Variants in ARFGEF3 observed in about 807,000 individuals in gnomAD.
ARFGEF3 encodes the protein brefeldin A-inhibited guanine nucleotide-exchange protein 3.
In ARFGEF3, 96 loss-of-function variants were observed where a neutral mutation model predicts 221.7. The observed-to-expected ratio is 0.43, with a 90% CI of 0.37 to 0.51. The LOEUF (loss-of-function observed/expected upper bound fraction) is 0.51. Among genes scored for constraint, ARFGEF3 ranks in the 20% least tolerant of loss-of-function variants. The pLI, the probability that ARFGEF3 is intolerant of heterozygous loss-of-function variation, is 0.00. For synonymous variants in ARFGEF3, 1,145 were observed against 1,126.8 expected (o/e 1.02, Z -0.32); for missense variants, 2,410 against 2,789.9 (o/e 0.86, Z 3.07).
At chr6:138,202,751 C>T (rs527944114) in intron 2 of ARFGEF3, among the ~76,000 whole-genome samples, 3 of 151,410 alleles carry the variant, frequency 2.0e-5, no homozygotes, top group East Asian at 1.9e-4. Context: ...GTTGCAGATA[C>T]GGTCAGAAGC....
chr6:138,287,291 T>C, intron 17 of ARFGEF3, 107 bp downstream of exon 17: 1 of 789,548 alleles, frequency 1.3e-6, no homozygotes, highest in Non-Finnish European at 2.1e-6. Context: ...CTGTGTGTGA[T>C]GCCCGGTATG....
At chr6:138,331,028 A>G (rs917457836) in intron 32 of ARFGEF3, among the ~76,000 whole-genome samples, 2 of 152,050 alleles carry the variant, frequency 1.3e-5, no homozygotes, top group Non-Finnish European at 2.9e-5. Flanking sequence ...CTTTTTTCCT[A>G]TTTCTAATTC....
intron 8 of ARFGEF3, among the ~76,000 whole-genome samples, chr6:138,246,285 A>G (rs1424617456): frequency 6.6e-6 from 1 of 151,894 alleles, no homozygotes; most frequent in Non-Finnish European, 1.5e-5. Flanking sequence ...GCAAAATTCT[A>G]CAACACATTA....
At chr6:138,275,825 T>C (rs1309220932) in intron 12 of ARFGEF3, among the ~76,000 whole-genome samples, 1 of 152,082 alleles carries the variant, frequency 6.6e-6, no homozygotes, top group Non-Finnish European at 1.5e-5. Context: ...CTCATTTTCA[T>C]AGGGACAACA....
At chr6:138,205,735 C>T (rs2114491347) in intron 2 of ARFGEF3, among the ~76,000 whole-genome samples, 1 of 152,270 alleles carries the variant, frequency 6.6e-6, no homozygotes, top group East Asian at 1.9e-4. Flanking sequence ...GTAGTGTTAA[C>T]TGTCATATAA....
At position 138,342,116 on chromosome 6, in the gene ARFGEF3, C is replaced by T. The variant is rs777887294; in HGVS notation, c.*5630C>T. Reference sequence around the variant, plus strand: ...GGTTTAACCAGTGGTTGTCTAGTATCTTCTGTCTTTAGAACAGTGGTTCTC... The same window carrying T: ...GGTTTAACCAGTGGTTGTCTAGTATTTTCTGTCTTTAGAACAGTGGTTCTC... On this transcript the variant is annotated 3_prime_UTR_variant, in exon 34 of 34. Transcript: ENST00000251691. 1 of 152,186 alleles carries T rather than the reference C, an allele frequency of 6.6e-6. No individual in the cohort carries two copies. Among genetic ancestry groups the T allele is most frequent in the Non-Finnish European group, 1.5e-5 (1 of 68,036 alleles). The allele number at this position is 152,186 out of a possible 1,614,324, so 9.4% of individuals were successfully genotyped here.
At chr6:138,181,523 A>C (rs919055121) in intron 2 of ARFGEF3, among the ~76,000 whole-genome samples, 5 of 152,148 alleles carry the variant, frequency 3.3e-5, no homozygotes, top group Non-Finnish European at 2.9e-5. Flanking sequence ...GGCTCACTGC[A>C]ACCTCTGTCT....
Position 138,291,037 on chromosome 6 carries a change from T to C in ARFGEF3, c.3048-696T>C, listed in dbSNP as rs188940732. Among the ~76,000 whole-genome samples the C allele has an allele frequency of 6.6e-6, 1 of 152,280 alleles. No individual in the cohort carries two copies. Among genetic ancestry groups the C allele is most frequent in the East Asian group, 1.9e-4 (1 of 5,172 alleles). ...CATCAGAGTGGATTATCCATGATGC[T>C]CTTTACCAGTAAACAGACTTACTCC... is the stretch of plus-strand genomic sequence containing the variant. On this transcript the variant is annotated intron_variant, in intron 18 of 33. Coordinates refer to ENST00000251691, the MANE Select transcript of ARFGEF3 (RefSeq NM_020340.5). This position sits in a 1 kb window ranked among gnomAD's most constrained non-coding sequence, Gnocchi z 4.5.
chr6:138,187,260 C>A (rs556888487), intron 2 of ARFGEF3, among the ~76,000 whole-genome samples: 6 of 152,316 alleles, frequency 3.9e-5, no homozygotes, highest in African/African-American at 1.2e-4. Flanking sequence ...CTTCCTAGAG[C>A]CTTGTGGATA....
At chr6:138,192,146 G>A (rs1777315639) in intron 2 of ARFGEF3, among the ~76,000 whole-genome samples, 1 of 152,112 alleles carries the variant, frequency 6.6e-6, no homozygotes, top group Non-Finnish European at 1.5e-5. Flanking sequence ...TCTGGGTACT[G>A]AAGACTTCAG....
At chr6:138,284,712 T>G (rs1041593713) in intron 14 of ARFGEF3, among the ~76,000 whole-genome samples, 2 of 152,234 alleles carry the variant, frequency 1.3e-5, no homozygotes, top group African/African-American at 4.8e-5. Context: ...ACTAATTATT[T>G]CTGTCATCAG....
intron 27 of ARFGEF3, among the ~76,000 whole-genome samples, 170 bp downstream of exon 27, chr6:138,317,549 T>C (rs1453121848): frequency 6.6e-6 from 1 of 152,232 alleles, no homozygotes; most frequent in Non-Finnish European, 1.5e-5. Flanking sequence ...ATGCTTAAGG[T>C]ATGGCCTGTG....
intron 6 of ARFGEF3, among the ~76,000 whole-genome samples, chr6:138,240,979 T>G (rs1040975371): frequency 6.6e-6 from 1 of 152,134 alleles, no homozygotes; most frequent in Non-Finnish European, 1.5e-5. Flanking sequence ...CCCCAAATTT[T>G]TTATGCCAAA....
At chr6:138,231,774 C>G (rs1021542331) in intron 5 of ARFGEF3, among the ~76,000 whole-genome samples, 7 of 152,108 alleles carry the variant, frequency 4.6e-5, no homozygotes, top group African/African-American at 1.7e-4. Flanking sequence ...ACCTGCTGAT[C>G]AGGAAGTGGG....
At chr6:138,247,024 A>G (rs568593498) in intron 8 of ARFGEF3, among the ~76,000 whole-genome samples, 2 of 152,354 alleles carry the variant, frequency 1.3e-5, no homozygotes, top group South Asian at 4.1e-4. Flanking sequence ...GAAAAAGCCT[A>G]TATAATACAT....
At chr6:138,188,871 C>A (rs1395905421) in intron 2 of ARFGEF3, among the ~76,000 whole-genome samples, 1 of 152,220 alleles carries the variant, frequency 6.6e-6, no homozygotes, top group African/African-American at 2.4e-5. Flanking sequence ...ACCAGCCCAA[C>A]CTTTTTGGCT....
chr6:138,220,149 C>T (rs546873461), intron 4 of ARFGEF3, among the ~76,000 whole-genome samples: 35 of 152,206 alleles, frequency 2.3e-4, no homozygotes, highest in Admixed American at 2.0e-3. Context: ...CTACTGGGTG[C>T]GCCACTATGC....
intron 12 of ARFGEF3, among the ~76,000 whole-genome samples, chr6:138,274,532 G>A (rs982811629): frequency 9.2e-5 from 14 of 152,100 alleles, no homozygotes; most frequent in African/African-American, 3.1e-4. Context: ...AGGCGTGGTG[G>A]CTCACACCTG....
chr6:138,263,189 T>G lies in ARFGEF3; in HGVS notation c.1706T>G (p.Val569Gly). ...QPDVVQRSHT[V>G]PYPDITNFLS... ...GATGTCGTGCAGAGAAGCCACACGGTCCCTTACCCTGACATAACTAACTTC... is the reference window on the plus strand; with the variant it reads ...GATGTCGTGCAGAGAAGCCACACGGGCCCTTACCCTGACATAACTAACTTC... Residue 569 changes from valine to glycine, a missense_variant, in exon 12 of 34, where the codon GTC (valine) becomes GGC (glycine). Val to Gly is a moderately radical substitution (Grantham distance 109). Transcript: ENST00000251691. 5 of 1,613,924 alleles carry G rather than the reference T, an allele frequency of 3.1e-6. No individual in the cohort carries two copies. Among genetic ancestry groups the G allele is most frequent in the Non-Finnish European group, 4.2e-6 (5 of 1,179,878 alleles).
Sources: allele counts gnomAD v4.1 joint callset (sites outside exome capture counted in the v4.1 genomes callset), GRCh38; gene constraint gnomAD v4.1.1; non-coding constraint Gnocchi (gnomAD v3.1); transcripts MANE v1.5; gene names NCBI Gene and HGNC (gene_info 2026-07-23, HGNC 2026-07-21).